Variants in PRDM16 observed in about 807,000 individuals in gnomAD.
PRDM16 encodes the protein histone-lysine N-methyltransferase PRDM16.
Under a neutral mutation model 110.6 loss-of-function variants are expected in PRDM16, and 23 were observed. The ratio of observed to expected loss-of-function variants is 0.21; its 90% CI spans 0.15 to 0.29. The LOEUF (loss-of-function observed/expected upper bound fraction) is 0.29. Ranked by LOEUF, PRDM16 falls within the 10% of genes least tolerant of loss-of-function variation. PRDM16 has a pLI of 1.00. For missense variants in PRDM16, 1,615 were observed against 1,794.3 expected (o/e 0.90, Z 1.81); for synonymous variants, 799 against 781.8 (o/e 1.02, Z -0.37).
intron 1 of PRDM16, among the ~76,000 whole-genome samples, chr1:3,121,563 C>A (rs1345411043): frequency 1.3e-5 from 2 of 152,234 alleles, no homozygotes; most frequent in Non-Finnish European, 2.9e-5. Flanking sequence ...TGTCTCCCGG[C>A]CTGGGCCTGG....
At chr1:3,138,964 G>A (rs993639311) in intron 1 of PRDM16, among the ~76,000 whole-genome samples, 30 of 152,230 alleles carry the variant, frequency 2.0e-4, no homozygotes, top group African/African-American at 6.7e-4. Flanking sequence ...CCTCCCCCTC[G>A]GCCAGTTTTC....
chr1:3,228,499 C>T (rs1421861208), intron 2 of PRDM16, among the ~76,000 whole-genome samples: 3 of 152,214 alleles, frequency 2.0e-5, no homozygotes, highest in African/African-American at 7.2e-5. Flanking sequence ...CCAAAGGGAG[C>T]TCTGGGCCAG....
intron 2 of PRDM16, among the ~76,000 whole-genome samples, chr1:3,240,108 GGAGAA>G (rs1183893816): frequency 7.1e-5 from 10 of 141,136 alleles, no homozygotes; most frequent in South Asian, 2.3e-4. Context: ...GAGGAGAGGA[GGAGAA>G]GAGAAGAGAA....
chr1:3,362,120 C>G (rs541107268), intron 3 of PRDM16, among the ~76,000 whole-genome samples: 1 of 152,196 alleles, frequency 6.6e-6, no homozygotes, highest in Non-Finnish European at 1.5e-5. Flanking sequence ...TTCACTCAGT[C>G]CCATCCCGAG....
At chr1:3,181,683 C>A (rs1644198299) in intron 1 of PRDM16, among the ~76,000 whole-genome samples, 2 of 112,352 alleles carry the variant, frequency 1.8e-5, no homozygotes, top group Non-Finnish European at 3.8e-5. Context: ...CACGCGCAGT[C>A]TTACACACGG....
chr1:3,141,658 G>A (rs188962684), intron 1 of PRDM16, among the ~76,000 whole-genome samples: 241 of 152,346 alleles, frequency 1.6e-3, no homozygotes, highest in Non-Finnish European at 2.8e-3. Context: ...ATCATATGTG[G>A]CCACAGTGGC....
intron 2 of PRDM16, among the ~76,000 whole-genome samples, chr1:3,242,877 G>A (rs1057269250): frequency 2.2e-4 from 34 of 152,168 alleles, no homozygotes; most frequent in African/African-American, 7.5e-4. Flanking sequence ...TGGAAACAAC[G>A]TTGCGGTTTC....
In PRDM16 at chr1:3,206,073, GA is replaced by G. The variant is rs1165044928; in HGVS notation, c.387+19600del. The G allele has an allele frequency of 2.0e-3, 304 of 152,390 alleles. 8 individuals carry two copies. The highest frequency in any genetic ancestry group is 9.1e-4 in the Non-Finnish European group (62 of 68,076). 9.4% of individuals were successfully genotyped at this position (152,390 alleles called of 1,614,324 possible). On this transcript the variant is annotated intron_variant, in intron 2 of 16. Coordinates refer to ENST00000270722, the MANE Select transcript of PRDM16 (RefSeq NM_022114.4). The surrounding 1 kb of genome is among the most constrained non-coding windows in gnomAD (Gnocchi z 4.9). ...ACAGCCCCCTACCTGCGTTCCCCAT[GA>G]CCGGTGCTCACAACAGAGGTGCCCC...
intron 1 of PRDM16, among the ~76,000 whole-genome samples, chr1:3,181,565 C>T (rs62653678): frequency 0.45 from 14,625 of 32,764 alleles, 5,641 homozygotes; most frequent in Non-Finnish European, 0.57. Flanking sequence ...GTCTTACACA[C>T]GCAGTCTTAC....
Position 3,209,421 on chromosome 1 carries a change from C to T in PRDM16, c.387+22947C>T, listed in dbSNP as rs1327594009. The stretch of plus-strand genomic sequence containing the variant: ...ACGGACTGCAGCCAGCCAGCTCTCC[C>T]TTCTTCCTGGGGAGGCCTGTGAAGG... On this transcript the variant is annotated intron_variant, in intron 2 of 16. Coordinates refer to ENST00000270722, the MANE Select transcript of PRDM16 (RefSeq NM_022114.4). The surrounding 1 kb of genome is among the most constrained non-coding windows in gnomAD (Gnocchi z 4.6). Among the ~76,000 whole-genome samples, 1 of 152,208 alleles carries T rather than the reference C, an allele frequency of 6.6e-6. No homozygotes were observed. Among genetic ancestry groups the T allele is most frequent in the Non-Finnish European group, 1.5e-5 (1 of 68,046 alleles).
At position 3,100,015 on chromosome 1, in the gene PRDM16, G is replaced by A. The variant is rs141019481; in HGVS notation, c.37+30719G>A. 7.8e-3 allele frequency among the ~76,000 whole-genome samples: 1,192 copies of A among 152,268 alleles called. 18 individuals are homozygous for A. The highest frequency in any genetic ancestry group is 0.026 in the African/African-American group (1,088 of 41,560). Reference sequence around the variant, plus strand: ...ACTGGGCTCGGCACCCCTGGGTGAGGGAGCCGTAGAGGAGCCTGCTCCTCT... The same window carrying A: ...ACTGGGCTCGGCACCCCTGGGTGAGAGAGCCGTAGAGGAGCCTGCTCCTCT... On this transcript the variant is annotated intron_variant, in intron 1 of 16. Transcript: ENST00000270722.
chr1:3,197,783 C>T (rs557498202), intron 2 of PRDM16, among the ~76,000 whole-genome samples: 102 of 152,298 alleles, frequency 6.7e-4, no homozygotes, highest in South Asian at 5.8e-3. Flanking sequence ...CCTGGGTGGC[C>T]CTCCCTCCCC....
At chr1:3,414,714 C>A in intron 10 of PRDM16, 67 bp downstream of exon 10, 1 of 1,294,520 alleles carries the variant, frequency 7.7e-7, no homozygotes. Context: ...TCCCGGCTGT[C>A]GAGGCTCAGT....
chr1:3,203,334 A>C, intron 2 of PRDM16, among the ~76,000 whole-genome samples: 1 of 152,182 alleles, frequency 6.6e-6, no homozygotes, highest in East Asian at 1.9e-4. Context: ...TTGAGTTCTC[A>C]TTCTATGTTT....
At chr1:3,427,196 G>A (rs1005823406) in intron 14 of PRDM16, among the ~76,000 whole-genome samples, 15 of 152,232 alleles carry the variant, frequency 9.9e-5, no homozygotes, top group Admixed American at 7.8e-4. Flanking sequence ...CCAGGGCTCC[G>A]TAGGCCTCAC....
At chr1:3,291,125 T>C (rs540090624) in intron 3 of PRDM16, among the ~76,000 whole-genome samples, 1 of 151,980 alleles carries the variant, frequency 6.6e-6, no homozygotes, top group Admixed American at 6.5e-5. Flanking sequence ...ATGTGATACT[T>C]AGGTCATGAG....
chr1:3,210,318 G>A (rs890426445), intron 2 of PRDM16, among the ~76,000 whole-genome samples: 3 of 152,316 alleles, frequency 2.0e-5, no homozygotes, highest in African/African-American at 7.2e-5. Context: ...TCTGAGCATG[G>A]AGATGAGGAC....
rs1284083309 is a variant in PRDM16 at position 3,418,016 on chromosome 1, C to G, written c.2861+19C>G. ...CGTGCAGGTGAGGGGCCCTTTGGTGCTGCTGGGACAGCCCTGGCGGGGCTC... is the reference window on the plus strand; with the variant it reads ...CGTGCAGGTGAGGGGCCCTTTGGTGGTGCTGGGACAGCCCTGGCGGGGCTC... On this transcript the variant is annotated intron_variant, in intron 11 of 16. Transcript: ENST00000270722. 6.2e-7 allele frequency: 1 copy of G among 1,602,254 alleles called. No individual in the cohort carries two copies. Among genetic ancestry groups the G allele is most frequent in the Non-Finnish European group, 8.5e-7 (1 of 1,174,016 alleles).
chr1:3,433,300 C>T (rs754580863), intron 16 of PRDM16, among the ~76,000 whole-genome samples: 25 of 152,380 alleles, frequency 1.6e-4, no homozygotes, highest in Non-Finnish European at 2.8e-4. Flanking sequence ...TTCCAGGCTG[C>T]GGGGAGAATC....
Sources: gnomAD v4.1 joint callset for allele counts (sites outside exome capture counted in the v4.1 genomes callset) on GRCh38, gnomAD v4.1.1 for gene constraint, Gnocchi (gnomAD v3.1) non-coding constraint, MANE v1.5 for transcripts, NCBI Gene and HGNC (gene_info 2026-07-23, HGNC 2026-07-21) for gene names.